The following GABRB1 variants were observed in gnomAD, a reference collection of about 807,000 sequenced individuals.
The protein encoded by GABRB1 is gamma-aminobutyric acid receptor subunit beta-1.
A neutral mutation model predicts 51.6 loss-of-function variants in GABRB1; 17 were observed. The ratio of observed to expected loss-of-function variants is 0.33; its 90% CI spans 0.23 to 0.49. The LOEUF (loss-of-function observed/expected upper bound fraction) is 0.49, where lower values mean the gene tolerates loss of function less well. Ranked by LOEUF, GABRB1 falls within the 20% of genes least tolerant of loss-of-function variation. The pLI is 0.99. For synonymous variants in GABRB1, 247 were observed against 218.9 expected (o/e 1.13, Z -1.14); for missense variants, 410 against 600.6 (o/e 0.68, Z 3.32).
chr4:47,268,937 A>G (rs1722749067), intron 4 of GABRB1, among the ~76,000 whole-genome samples: 1 of 152,218 alleles, frequency 6.6e-6, no homozygotes. Context: ...GAGTATAGGA[A>G]AACTGTGTTT....
chr4:47,079,613 A>G (rs530108230), intron 3 of GABRB1, among the ~76,000 whole-genome samples: 5 of 152,224 alleles, frequency 3.3e-5, no homozygotes, highest in Admixed American at 3.3e-4. Flanking sequence ...GTCCAACAAC[A>G]ATAGGCTGGA....
intron 4 of GABRB1, among the ~76,000 whole-genome samples, chr4:47,284,233 C>G (rs1366644680): frequency 1.3e-5 from 2 of 151,792 alleles, no homozygotes; most frequent in African/African-American, 2.4e-5. Flanking sequence ...GCATGTTAGA[C>G]TTACAGCTCA....
chr4:47,296,330 C>G (rs1275146275), intron 4 of GABRB1, among the ~76,000 whole-genome samples: 1 of 152,150 alleles, frequency 6.6e-6, no homozygotes, highest in Non-Finnish European at 1.5e-5. Context: ...GATAAAGAGT[C>G]AAGACCCATC....
At position 47,127,343 on chromosome 4, in the gene GABRB1, T is replaced by TGTAC. The variant is rs1487765943; in HGVS notation, c.241-33902_241-33899dup. ...ATGTGTGTGTAGATACACACATATA[T>TGTAC]GTACGTATGCATACATATCTGAAAT... On this transcript the variant is annotated intron_variant, in intron 3 of 8. Transcript: ENST00000295454. Among the ~76,000 whole-genome samples, 5 of 151,780 alleles carry TGTAC rather than the reference T, an allele frequency of 3.3e-5. No individual in the cohort carries two copies. In the East Asian group the frequency reaches 9.7e-4, roughly 29 times the overall value.
intron 3 of GABRB1, among the ~76,000 whole-genome samples, chr4:47,048,624 A>T (rs749907014): frequency 6.6e-6 from 1 of 152,204 alleles, no homozygotes; most frequent in Non-Finnish European, 1.5e-5. Flanking sequence ...TAATGAATGC[A>T]TGCCATGTCT....
chr4:47,000,122 G>A (rs1298493676), intron 1 of GABRB1, among the ~76,000 whole-genome samples: 1 of 151,888 alleles, frequency 6.6e-6, no homozygotes, highest in African/African-American at 2.4e-5. Context: ...AGTGCATCAG[G>A]GAGCAAACCA....
At chr4:47,300,289 C>G (rs893855218) in intron 4 of GABRB1, among the ~76,000 whole-genome samples, 9 of 151,482 alleles carry the variant, frequency 5.9e-5, no homozygotes, top group Non-Finnish European at 1.2e-4. Flanking sequence ...AGTAAAAAAA[C>G]AAAGAAATTA....
intron 3 of GABRB1, among the ~76,000 whole-genome samples, chr4:47,085,441 G>A (rs1177127726): frequency 1.3e-5 from 2 of 152,132 alleles, no homozygotes; most frequent in South Asian, 4.1e-4. Context: ...TTGTATTGAA[G>A]CAACACTTAA....
intron 3 of GABRB1, among the ~76,000 whole-genome samples, chr4:47,097,276 C>G (rs911927789): frequency 6.6e-6 from 1 of 152,144 alleles, no homozygotes; most frequent in Non-Finnish European, 1.5e-5. Context: ...CAGGGACCAC[C>G]TTGCTCTTCC....
chr4:47,410,429 T>C (rs987403013), intron 8 of GABRB1, among the ~76,000 whole-genome samples: 3 of 152,118 alleles, frequency 2.0e-5, no homozygotes, highest in African/African-American at 7.2e-5. Flanking sequence ...GGAACCACAC[T>C]GTGTGAAATC....
At chr4:47,351,685 T>C (rs1578115026) in intron 5 of GABRB1, among the ~76,000 whole-genome samples, 2 of 150,878 alleles carry the variant, frequency 1.3e-5, no homozygotes, top group African/African-American at 4.9e-5. Flanking sequence ...TTGCGATAGT[T>C]TACTGAGAAT....
At chr4:47,155,964 A>G (rs2109727832) in intron 3 of GABRB1, among the ~76,000 whole-genome samples, 1 of 95,080 alleles carries the variant, frequency 1.1e-5, no homozygotes, top group South Asian at 3.8e-4. Flanking sequence ...CTTTTTCTTT[A>G]TTCATCCATT....
chr4:47,401,813 TATC>T (rs1728396326), intron 5 of GABRB1, among the ~76,000 whole-genome samples: 1 of 74,344 alleles, frequency 1.3e-5, no homozygotes, highest in African/African-American at 5.7e-5. Flanking sequence ...TCTATCTATC[TATC>T]TATCTAGCTA....
At chr4:47,262,823 G>C (rs1470185327) in intron 4 of GABRB1, among the ~76,000 whole-genome samples, 1 of 152,004 alleles carries the variant, frequency 6.6e-6, no homozygotes, top group African/African-American at 2.4e-5. Context: ...ACTGGATTAA[G>C]AAAATGTGGC....
intron 3 of GABRB1, among the ~76,000 whole-genome samples, chr4:47,081,970 C>A (rs563405052): frequency 6.6e-6 from 1 of 152,086 alleles, no homozygotes. Context: ...GCTTCTTTCA[C>A]AAAATCATTA....
At chr4:47,124,573 AT>A (rs112937697) in intron 3 of GABRB1, among the ~76,000 whole-genome samples, 46 of 152,354 alleles carry the variant, frequency 3.0e-4, no homozygotes, top group African/African-American at 1.0e-3. Context: ...TGCTTCAAGG[AT>A]TCTCAGTGCA....
chr4:47,391,984 C>T (rs1049374438), intron 5 of GABRB1, among the ~76,000 whole-genome samples: 3 of 151,938 alleles, frequency 2.0e-5, no homozygotes, highest in Admixed American at 2.0e-4. Context: ...ATGTTCAGTA[C>T]TACGTAACTG....
chr4:47,306,379 G>A (rs576308812), intron 4 of GABRB1, among the ~76,000 whole-genome samples: 10 of 151,146 alleles, frequency 6.6e-5, no homozygotes, highest in East Asian at 3.9e-4. Context: ...AAGAAGGTGC[G>A]GGGTAGAGAT....
chr4:47,238,961 C>A (rs907496615), intron 4 of GABRB1, among the ~76,000 whole-genome samples: 2 of 152,178 alleles, frequency 1.3e-5, no homozygotes, highest in African/African-American at 4.8e-5. Flanking sequence ...TGAGGACAGA[C>A]ATTCATGGTC....
Sources: gnomAD v4.1 joint callset for allele counts (sites outside exome capture counted in the v4.1 genomes callset) on GRCh38, gnomAD v4.1.1 for gene constraint, MANE v1.5 for transcripts, NCBI Gene and HGNC (gene_info 2026-07-23, HGNC 2026-07-21) for gene names.